The following ARHGAP44 variants were observed in gnomAD, a reference collection of about 807,000 sequenced individuals.
ARHGAP44 encodes Rho GTPase activating protein 44.
A neutral mutation model predicts 106.8 loss-of-function variants in ARHGAP44; 43 were observed. The observed-to-expected ratio is 0.40, with a 90% CI of 0.32 to 0.52. The LOEUF (loss-of-function observed/expected upper bound fraction) is 0.52. Among genes scored for constraint, ARHGAP44 ranks in the 20% least tolerant of loss-of-function variants. ARHGAP44 has a pLI of 0.48. For missense variants in ARHGAP44, 866 were observed against 1,050.5 expected, an observed-to-expected ratio of 0.82 and a Z score of 2.43; for synonymous variants, 439 against 410.3, an observed-to-expected ratio of 1.07 and a Z score of -0.85.
At chr17:12,916,602 C>T (rs1168684538) in intron 5 of ARHGAP44, among the ~76,000 whole-genome samples, 1 of 152,204 alleles carries the variant, frequency 6.6e-6, no homozygotes, top group East Asian at 1.9e-4. Context: ...CCAGGCTGGT[C>T]TCGAACTCCT....
intron 2 of ARHGAP44, 68 bp from the exon 3 acceptor site, chr17:12,896,339 A>T: frequency 7.5e-7 from 1 of 1,332,882 alleles, no homozygotes; most frequent in Non-Finnish European, 1.0e-6. Flanking sequence ...GTGATTGTCC[A>T]CACCCACAAT....
chr17:12,991,438 A>G lies in ARHGAP44; in HGVS notation c.*1267A>G, dbSNP rs1043771744. 1 of 166,938 alleles carries G rather than the reference A, an allele frequency of 6.0e-6. No individual in the cohort carries two copies. Among genetic ancestry groups the G allele is most frequent in the African/African-American group, 2.4e-5 (1 of 41,862 alleles). The allele number at this position is 166,938 out of a possible 1,614,324, so 10.3% of individuals were successfully genotyped here. A position where few individuals can be genotyped will look rare whatever the true frequency, so the allele number is the denominator to read the frequency against. On this transcript the variant is annotated 3_prime_UTR_variant, in exon 21 of 21. Coordinates refer to ENST00000379672, the MANE Select transcript of ARHGAP44 (RefSeq NM_014859.6). ...TTTAAATGCTTAGTTATTTTTCCCAACACAGTGTAAAGTCACCCTCCTCTG... is the reference window on the plus strand; with the variant it reads ...TTTAAATGCTTAGTTATTTTTCCCAGCACAGTGTAAAGTCACCCTCCTCTG...
chr17:12,943,444 G>T, intron 8 of ARHGAP44, 144 bp from the exon 9 acceptor site: 1 of 668,184 alleles, frequency 1.5e-6, no homozygotes. Flanking sequence ...AAGCATGCTC[G>T]TTATTTTAGG....
intron 6 of ARHGAP44, among the ~76,000 whole-genome samples, chr17:12,925,128 T>C (rs1423061993): frequency 1.3e-5 from 2 of 152,132 alleles, no homozygotes; most frequent in African/African-American, 4.8e-5. Flanking sequence ...TTCTTCAAGG[T>C]CACTGGATGT....
chr17:12,896,668 G>A (rs2302068), intron 3 of ARHGAP44, among the ~76,000 whole-genome samples, 157 bp downstream of exon 3: 81,280 of 152,002 alleles, frequency 0.53, 21,963 homozygotes, highest in Non-Finnish European at 0.57. Context: ...TTTTCTGTGG[G>A]GTAATGACCC....
At chr17:12,835,345 A>G (rs566350651) in intron 1 of ARHGAP44, among the ~76,000 whole-genome samples, 4 of 152,316 alleles carry the variant, frequency 2.6e-5, no homozygotes, top group African/African-American at 9.6e-5. Context: ...TTTTTTAGTC[A>G]TGTTCAAACA....
At position 12,919,897 on chromosome 17, in the gene ARHGAP44, G is replaced by C. The variant is rs1598054999; in HGVS notation, c.464+66G>C. The C allele has an allele frequency of 2.2e-6, 3 of 1,358,624 alleles. No individual in the cohort carries two copies. The East Asian group carries it at 7.3e-5, about 33-fold the overall frequency. 84.2% of individuals were successfully genotyped at this position (1,358,624 alleles called of 1,614,324 possible). A position where few individuals can be genotyped will look rare whatever the true frequency, so the allele number is the denominator to read the frequency against. ...CAGTGATCATATTTTGGGCGGGTGG[G>C]TTTTAAGTAGGCAATTGTGTTTTCA... On this transcript the variant is annotated intron_variant, in intron 6 of 20. Transcript: ENST00000379672.
At chr17:12,873,491 T>G (rs2036460176) in intron 1 of ARHGAP44, among the ~76,000 whole-genome samples, 1 of 152,230 alleles carries the variant, frequency 6.6e-6, no homozygotes, top group Non-Finnish European at 1.5e-5. Flanking sequence ...TTCAAGAACA[T>G]CAAATAATTG....
intron 3 of ARHGAP44, among the ~76,000 whole-genome samples, chr17:12,898,172 C>T (rs2037268679): frequency 6.6e-6 from 1 of 152,018 alleles, no homozygotes; most frequent in Admixed American, 6.6e-5. Flanking sequence ...GTGGTGTCTG[C>T]AGCAGATATA....
intron 3 of ARHGAP44, among the ~76,000 whole-genome samples, chr17:12,903,140 A>AGAGAGAGT (rs1403029479): frequency 2.1e-4 from 12 of 57,590 alleles, no homozygotes; most frequent in Admixed American, 7.6e-4. Context: ...AGAGAGAGAG[A>AGAGAGAGT]GTGTGTGTGT....
In ARHGAP44 at chr17:12,974,144, G is replaced by T. The variant is rs866108395; in HGVS notation, c.1597G>T (p.Gly533Cys). Residue 533 changes from glycine to cysteine, a missense_variant, in exon 18 of 21, where the codon GGT (glycine) becomes TGT (cysteine). Around this residue, in one of 2 missense-constraint regions of ARHGAP44, gnomAD observed 418 missense variants for 403.6 expected, o/e 1.04. Transcript: ENST00000379672. The part of the protein sequence containing the change: ...NWVARRGSSA[G>C]RKVSCAPPSM... ...GGTGGCTCGAAGAGGCTCCTCGGCC[G>T]GTCGGAAAGTGTCCTGCGCCCCGCC... is the stretch of plus-strand genomic sequence containing the variant. 1.3e-6 allele frequency: 2 copies of T among 1,563,474 alleles called. No homozygotes were observed. The highest frequency in any genetic ancestry group is 2.4e-5 in the South Asian group (2 of 84,930).
chr17:12,828,734 C>G (rs922818487), intron 1 of ARHGAP44, among the ~76,000 whole-genome samples: 3 of 150,720 alleles, frequency 2.0e-5, no homozygotes, highest in Non-Finnish European at 4.4e-5. Flanking sequence ...CTCCACCTCC[C>G]GGGTTCATGC....
At chr17:12,927,659 C>T (rs1057412463) in intron 6 of ARHGAP44, among the ~76,000 whole-genome samples, 3 of 152,172 alleles carry the variant, frequency 2.0e-5, no homozygotes, top group Non-Finnish European at 4.4e-5. Flanking sequence ...CATGACCCAG[C>T]TTCCTGCCCA....
chr17:12,922,548 T>G (rs957799846), intron 6 of ARHGAP44, among the ~76,000 whole-genome samples: 2 of 152,234 alleles, frequency 1.3e-5, no homozygotes, highest in Non-Finnish European at 2.9e-5. Flanking sequence ...AGCTCTGAAG[T>G]CTTTTCTTTG....
In ARHGAP44 at chr17:12,847,187, C is replaced by T. The variant is rs1031927742; in HGVS notation, c.54-47753C>T. Among the ~76,000 whole-genome samples, 26 of 152,256 alleles carry T rather than the reference C, an allele frequency of 1.7e-4. 1 individual carries two copies. The highest frequency in any genetic ancestry group is 3.9e-4 in the Admixed American group (6 of 15,284). ...CTGATTTGCTACAAAATGTGTTTTG[C>T]GTTGCTGATTGGGCCACACATGATT... On this transcript the variant is annotated intron_variant, in intron 1 of 20. Transcript: ENST00000379672.
At chr17:12,932,526 G>A (rs543105616) in intron 7 of ARHGAP44, among the ~76,000 whole-genome samples, 17 of 152,166 alleles carry the variant, frequency 1.1e-4, no homozygotes, top group Non-Finnish European at 1.9e-4. Flanking sequence ...TTAATAATGT[G>A]TTTCCTTTGC....
rs2038943802 is a variant in ARHGAP44, at chr17:12,949,564, G to A, written c.974-85G>A. On this transcript the variant is annotated intron_variant, in intron 11 of 20. Coordinates refer to ENST00000379672, the MANE Select transcript of ARHGAP44 (RefSeq NM_014859.6). The surrounding 1 kb of genome is among the most constrained non-coding windows in gnomAD (Gnocchi z 4.1). ...GTGGTCAGGAGGCCCATCCCCAGATGGAACCCACATAGGCAGTGCTGGCTG... is the reference window on the plus strand; with the variant it reads ...GTGGTCAGGAGGCCCATCCCCAGATAGAACCCACATAGGCAGTGCTGGCTG... 7.7e-7 allele frequency: 1 copy of A among 1,302,058 alleles called. No individual in the cohort carries two copies. The allele number at this position is 1,302,058 out of a possible 1,614,324, so 80.7% of individuals were successfully genotyped here. A position where few individuals can be genotyped will look rare whatever the true frequency, so the allele number is the denominator to read the frequency against.
chr17:12,877,115 T>C (rs1167353560), intron 1 of ARHGAP44, among the ~76,000 whole-genome samples: 2 of 152,176 alleles, frequency 1.3e-5, no homozygotes, highest in African/African-American at 4.8e-5. Context: ...AGACCGTCTC[T>C]GCATCATGGC....
rs1044206175 is a variant in ARHGAP44, at chr17:12,949,549, G to A, written c.974-100G>A. 12 of 1,105,376 alleles carry A rather than the reference G, an allele frequency of 1.1e-5. No individual in the cohort carries two copies. The highest frequency in any genetic ancestry group is 2.7e-6 in the Non-Finnish European group (2 of 750,066). 68.5% of individuals were successfully genotyped at this position (1,105,376 alleles called of 1,614,324 possible). A position where few individuals can be genotyped will look rare whatever the true frequency, so the allele number is the denominator to read the frequency against. On this transcript the variant is annotated intron_variant, in intron 11 of 20. Transcript: ENST00000379672. This position sits in a 1 kb window ranked among gnomAD's most constrained non-coding sequence, Gnocchi z 4.1. ...TTTGCTGTTGACATGGTGGTCAGGAGGCCCATCCCCAGATGGAACCCACAT... is the reference window on the plus strand; with the variant it reads ...TTTGCTGTTGACATGGTGGTCAGGAAGCCCATCCCCAGATGGAACCCACAT...
Sources: allele counts gnomAD v4.1 joint callset (sites outside exome capture counted in the v4.1 genomes callset), GRCh38; gene constraint gnomAD v4.1.1; regional missense constraint gnomAD v4.1.1; non-coding constraint Gnocchi (gnomAD v3.1); transcripts MANE v1.5; gene names NCBI Gene and HGNC (gene_info 2026-07-23, HGNC 2026-07-21).